Variants in GRIP1 observed in about 807,000 individuals in gnomAD.
The protein encoded by GRIP1 is glutamate receptor-interacting protein 1.
A neutral mutation model predicts 129.9 loss-of-function variants in GRIP1; 45 were observed. The ratio of observed to expected loss-of-function variants is 0.35; its 90% CI spans 0.27 to 0.44. GRIP1 has a LOEUF of 0.44. GRIP1 is among the 20% of genes least tolerant of loss of function. GRIP1 has a pLI of 1.00. For synonymous variants in GRIP1, 530 were observed against 520.8 expected (o/e 1.02, Z -0.24); for missense variants, 1,196 against 1,396.8 (o/e 0.86, Z 2.29).
chr12:66,704,347 A>T (rs1414439544), intron 1 of GRIP1, among the ~76,000 whole-genome samples: 1 of 152,164 alleles, frequency 6.6e-6, no homozygotes, highest in East Asian at 1.9e-4. Context: ...AAAAATTCAA[A>T]TGTAATCAGA....
chr12:66,965,549 TTGTGTG>T lies in GRIP1; in HGVS notation c.58+103495_58+103500del, dbSNP rs368637185. Among the ~76,000 whole-genome samples the T allele has an allele frequency of 9.2e-3, 1,180 of 128,320 alleles. 14 individuals carry two copies. The highest frequency in any genetic ancestry group is 0.022 in the African/African-American group (717 of 32,376). 84.2% of individuals were successfully genotyped at this position (128,320 alleles called of 152,430 possible). A position where few individuals can be genotyped will look rare whatever the true frequency, so the allele number is the denominator to read the frequency against. ...TTCTTAGGCTACTGGAAAAGAAACA[TTGTGTG>T]TGTGTGTGTGTGTGTGTGTGTGTGT... On this transcript the variant is annotated intron_variant, in intron 1 of 1. Transcript: ENST00000643019.
intron 17 of GRIP1, 145 bp from the exon 18 acceptor site, chr12:66,392,961 T>C: frequency 1.3e-6 from 1 of 785,108 alleles, no homozygotes; most frequent in Non-Finnish European, 2.2e-6. Context: ...TCCTGGGCAA[T>C]GTTATAAGAT....
intron 1 of GRIP1, among the ~76,000 whole-genome samples, chr12:66,646,333 T>C (rs912673963): frequency 1.3e-5 from 2 of 152,116 alleles, no homozygotes; most frequent in African/African-American, 2.4e-5. Context: ...AGAAATATAT[T>C]TGGGGGAAGG....
intron 1 of GRIP1, among the ~76,000 whole-genome samples, chr12:66,685,686 C>A (rs2136296440): frequency 6.6e-6 from 1 of 152,254 alleles, no homozygotes; most frequent in East Asian, 1.9e-4. Context: ...TAGGTTAGAT[C>A]AAGGGAAGAA....
rs571021756 is a variant in GRIP1 at position 66,693,269 on chromosome 12, T to C, written c.-419-62933A>G. On this transcript the variant is annotated intron_variant, in intron 1 of 4. Transcript: ENST00000538373. ...TTTGCCTGAGCTATGTTTAGAAATG[T>C]TTTAAATTATTTGCACACTTCAGAA... 1.7e-3 allele frequency among the ~76,000 whole-genome samples: 253 copies of C among 152,298 alleles called. 2 individuals carry two copies. Among genetic ancestry groups the C allele is most frequent in the African/African-American group, 5.8e-3 (242 of 41,564 alleles).
intron 11 of GRIP1, among the ~76,000 whole-genome samples, chr12:66,449,333 T>C (rs1384879502): frequency 3.3e-5 from 5 of 152,206 alleles, no homozygotes; most frequent in African/African-American, 4.8e-5. Context: ...ACACTTCTCA[T>C]AGATGCTGCT....
At chr12:67,054,366 C>T (rs1476243989) in intron 1 of GRIP1, among the ~76,000 whole-genome samples, 1 of 152,160 alleles carries the variant, frequency 6.6e-6, no homozygotes, top group Non-Finnish European at 1.5e-5. Flanking sequence ...AAAATTCCTG[C>T]TTTCAAGTGG....
chr12:66,394,108 C>T, intron 17 of GRIP1, 100 bp downstream of exon 17: 1 of 1,187,932 alleles, frequency 8.4e-7, no homozygotes, highest in East Asian at 2.3e-5. Context: ...TTTTAAAAGC[C>T]AACAGATAAC....
Position 66,348,920 on chromosome 12 carries a change from C to T in GRIP1, c.*99G>A, listed in dbSNP as rs200232418. 2.9e-3 allele frequency: 2,576 copies of T among 874,314 alleles called. 8 individuals carry two copies. Among genetic ancestry groups the T allele is most frequent in the Non-Finnish European group, 3.9e-3 (1,994 of 505,162 alleles). 54.2% of individuals were successfully genotyped at this position (874,314 alleles called of 1,614,324 possible). ...ACCCCTGTGCTTGCAGTTAATGCCA[C>T]GTTGATTGATTATCTGTGCTTCAAA... On this transcript the variant is annotated 3_prime_UTR_variant, in exon 25 of 25. Transcript: ENST00000359742.
chr12:66,396,644 G>A (rs757914640), intron 16 of GRIP1, among the ~76,000 whole-genome samples: 12 of 152,138 alleles, frequency 7.9e-5, no homozygotes, highest in Admixed American at 2.0e-4. Flanking sequence ...AATGAGTTTA[G>A]ATAGTGATGG....
At chr12:67,011,126 G>A (rs2042700797) in intron 1 of GRIP1, among the ~76,000 whole-genome samples, 1 of 151,996 alleles carries the variant, frequency 6.6e-6, no homozygotes, top group African/African-American at 2.4e-5. Context: ...CTATCTCATT[G>A]GCACCTCAAA....
At chr12:66,495,723 A>C (rs1022305949) in intron 7 of GRIP1, among the ~76,000 whole-genome samples, 1 of 151,826 alleles carries the variant, frequency 6.6e-6, no homozygotes, top group Non-Finnish European at 1.5e-5. Context: ...TTGTTTGGAG[A>C]GTTAAATGTA....
intron 1 of GRIP1, among the ~76,000 whole-genome samples, chr12:66,737,785 G>T (rs2036654389): frequency 6.6e-6 from 1 of 152,068 alleles, no homozygotes; most frequent in Non-Finnish European, 1.5e-5. Flanking sequence ...CAGGTGCCAG[G>T]TGTTATGTTC....
intron 1 of GRIP1, among the ~76,000 whole-genome samples, chr12:67,040,216 C>T (rs928112055): frequency 7.7e-6 from 1 of 130,528 alleles, no homozygotes; most frequent in Admixed American, 7.6e-5. Context: ...ACTACCCACC[C>T]CCACCCCCCC....
chr12:66,767,751 G>A (rs571262436), intron 1 of GRIP1, among the ~76,000 whole-genome samples: 24 of 152,266 alleles, frequency 1.6e-4, no homozygotes, highest in African/African-American at 4.6e-4. Flanking sequence ...GTAGGACCCT[G>A]CCACGATGCT....
intron 19 of GRIP1, among the ~76,000 whole-genome samples, chr12:66,384,080 T>C (rs776818303): frequency 2.0e-5 from 3 of 152,228 alleles, no homozygotes; most frequent in Non-Finnish European, 4.4e-5. Flanking sequence ...TGTTTCTTTA[T>C]AATGTAAGTC....
intron 16 of GRIP1, 80 bp downstream of exon 16, chr12:66,406,203 G>C: frequency 7.2e-7 from 1 of 1,396,698 alleles, no homozygotes; most frequent in Non-Finnish European, 1.0e-6. Context: ...GCTGTTGTAT[G>C]TAAAACATCA....
rs1565752142 is a variant in GRIP1, at chr12:66,451,421, T to TTTTTTTTTTTTTC, written c.1354+3987_1354+3988insGAAAAAAAAAAAA. ...TTTTTTTTTTTTTTTTTTTTTTTTTTCAGATAGGCTCTCACTCTGTTGCCC... is the reference window on the plus strand; with the variant it reads ...TTTTTTTTTTTTTTTTTTTTTTTTTTTTTTTTTTTTTTCCAGATAGGCTCTCACTCTGTTGCCC... On this transcript the variant is annotated intron_variant, in intron 11 of 24. Transcript: ENST00000359742. Among the ~76,000 whole-genome samples, 4 of 115,558 alleles carry TTTTTTTTTTTTTC rather than the reference T, an allele frequency of 3.5e-5. 1 individual carries two copies. Among genetic ancestry groups the TTTTTTTTTTTTTC allele is most frequent in the African/African-American group, 1.4e-4 (4 of 27,866 alleles). 75.8% of individuals were successfully genotyped at this position (115,558 alleles called of 152,430 possible).
At chr12:66,559,068 A>AC (rs989764943) in intron 2 of GRIP1, among the ~76,000 whole-genome samples, 1 of 152,104 alleles carries the variant, frequency 6.6e-6, no homozygotes, top group African/African-American at 2.4e-5. Flanking sequence ...AGAATGAAGG[A>AC]CAAAAACCAC....
Sources: gnomAD v4.1 joint callset for allele counts (sites outside exome capture counted in the v4.1 genomes callset) on GRCh38, gnomAD v4.1.1 for gene constraint, MANE v1.5 for transcripts, NCBI Gene and HGNC (gene_info 2026-07-23, HGNC 2026-07-21) for gene names.